The following SLC7A13 variants were observed in gnomAD, a reference collection of about 807,000 sequenced individuals.
SLC7A13 encodes X-amino acid transporter 2.
In SLC7A13, 31 loss-of-function variants were observed where a neutral mutation model predicts 32.0. The ratio of observed to expected loss-of-function variants is 0.97; its 90% confidence interval spans 0.73 to 1.31. The LOEUF is 1.31. Among genes scored for constraint, SLC7A13 ranks in the 50% most tolerant of loss-of-function variants. The pLI is 0.00. For synonymous variants in SLC7A13, 232 were observed against 206.9 expected (o/e 1.12, Z -1.04); for missense variants, 633 against 546.9 (o/e 1.16, Z -1.57).
intron 2 of SLC7A13, 30 bp downstream of exon 2, chr8:86,222,938 CTTTA>C: frequency 1.3e-6 from 2 of 1,551,180 alleles, no homozygotes; most frequent in Non-Finnish European, 1.7e-6. Flanking sequence ...AGGACCAGCA[CTTTA>C]TTTATTGCTT....
At position 86,229,709 on chromosome 8, in the gene SLC7A13, A is replaced by G; in HGVS notation, c.569T>C (p.Val190Ala). ...ATCAAAAGCATTCTGAAATCGTTCT[A>G]CATTCTCCTTTTTCCCTCTTATCAG... Reference protein sequence around the residue: ...VFLIRGKKENVERFQNAFDAE... With the variant: ...VFLIRGKKENAERFQNAFDAE... Residue 190 changes from valine (V) to alanine (A), a missense_variant, in exon 1 of 4, where the codon GTA (valine) becomes GCA (alanine). Transcript: ENST00000297524. The G allele has an allele frequency of 6.2e-7, 1 of 1,614,202 alleles. No individual in the cohort carries two copies. Among genetic ancestry groups the G allele is most frequent in the Non-Finnish European group, 8.5e-7 (1 of 1,180,024 alleles).
chr8:86,228,889 C>T (rs1035537497), intron 1 of SLC7A13, among the ~76,000 whole-genome samples: 1 of 151,884 alleles, frequency 6.6e-6, no homozygotes, highest in Non-Finnish European at 1.5e-5. Flanking sequence ...ACTATTTTGC[C>T]CAGGTGGTCT....
intron 2 of SLC7A13, 130 bp downstream of exon 2, chr8:86,222,842 T>C (rs1820322444): frequency 3.2e-6 from 3 of 931,514 alleles, no homozygotes; most frequent in Non-Finnish European, 4.4e-6. Flanking sequence ...CCCTCTGTTA[T>C]TTTAGAAAAT....
At chr8:86,223,835 A>G (rs1160421411) in intron 1 of SLC7A13, among the ~76,000 whole-genome samples, 2 of 151,880 alleles carry the variant, frequency 1.3e-5, no homozygotes, top group Non-Finnish European at 2.9e-5. Flanking sequence ...GGACTGCTAC[A>G]CACCCACCTG....
Position 86,214,657 on chromosome 8 carries a change from C to T in SLC7A13, c.1180-11G>A, listed in dbSNP as rs759190047. The T allele has an allele frequency of 6.3e-7, 1 of 1,582,024 alleles. No individual in the cohort carries two copies. The highest frequency in any genetic ancestry group is 1.7e-4 in the Middle Eastern group (1 of 5,904). On this transcript the variant is annotated splice_polypyrimidine_tract_variant and intron_variant, in intron 3 of 3. Coordinates refer to ENST00000297524, the MANE Select transcript of SLC7A13 (RefSeq NM_138817.3). ...AAATGACAAAAACACCTGAAAAGAG[C>T]AAAGTTTGAAAAAATATTGGATATG...
intron 1 of SLC7A13, 25 bp downstream of exon 1, chr8:86,229,568 A>AT (rs11413051): frequency 0.25 from 397,157 of 1,571,148 alleles, 58,739 homozygotes; most frequent in East Asian, 0.49. Flanking sequence ...ATGATTTTAG[A>AT]TTTTTTTCCT....
intron 3 of SLC7A13, chr8:86,215,735 A>G (rs1390626917): frequency 4.8e-6 from 2 of 413,656 alleles, no homozygotes; most frequent in Non-Finnish European, 9.5e-6. Flanking sequence ...TTAGCTTATA[A>G]AGCGTCCCAG....
At chr8:86,216,991 GT>G (rs1021296560) in intron 3 of SLC7A13, among the ~76,000 whole-genome samples, 27 of 152,142 alleles carry the variant, frequency 1.8e-4, no homozygotes, top group Admixed American at 7.9e-4. Flanking sequence ...CCTGTGAAAA[GT>G]TTTTTCATCC....
At position 86,218,577 on chromosome 8, in the gene SLC7A13, C is replaced by A. The variant is rs577492743; in HGVS notation, c.818-746G>T. Reference sequence around the variant, plus strand: ...ACATCCTATAATGTACAGGACAATTCTCTACAACAAAAAATTATATAGTAT... The same window carrying A: ...ACATCCTATAATGTACAGGACAATTATCTACAACAAAAAATTATATAGTAT... On this transcript the variant is annotated intron_variant, in intron 2 of 3. Transcript: ENST00000297524. 1.8e-4 allele frequency among the ~76,000 whole-genome samples: 27 copies of A among 151,626 alleles called. 1 individual carries two copies. The highest frequency in any genetic ancestry group is 8.3e-4 in the South Asian group (4 of 4,808).
At chr8:86,223,158 A>T (rs1234377390) in intron 1 of SLC7A13, 55 bp from the exon 2 acceptor site, 4 of 1,468,444 alleles carry the variant, frequency 2.7e-6, no homozygotes, top group Non-Finnish European at 3.6e-6. Context: ...TCTAAAATTC[A>T]TTATTTTTAG....
intron 3 of SLC7A13, chr8:86,215,759 A>G (rs1450918044): frequency 2.6e-6 from 1 of 389,946 alleles, no homozygotes; most frequent in African/African-American, 2.2e-5. Context: ...AAGATACTTT[A>G]TCATCTCATG....
intron 1 of SLC7A13, among the ~76,000 whole-genome samples, chr8:86,226,733 C>T (rs1820394033): frequency 6.6e-6 from 1 of 152,122 alleles, no homozygotes; most frequent in Non-Finnish European, 1.5e-5. Context: ...GTATCTAATA[C>T]CAAGACTCTC....
intron 1 of SLC7A13, among the ~76,000 whole-genome samples, chr8:86,224,144 C>G (rs1358628658): frequency 6.6e-6 from 1 of 152,150 alleles, no homozygotes; most frequent in African/African-American, 2.4e-5. Context: ...TGGTAAGTGT[C>G]TATATGAAAA....
In SLC7A13 at chr8:86,217,592, A is replaced by T. The variant is rs774939003; in HGVS notation, c.1057T>A (p.Leu353Ile). ...LVTLGSLAIILTSLIDLINYI... is the reference protein window; with the variant it reads ...LVTLGSLAIIITSLIDLINYI... The stretch of plus-strand genomic sequence containing the variant: ...TTTATCAAATCAATTAGACTTGTTA[A>T]GATAATTGCAAGGGATCCCAAAGTG... Residue 353 changes from leucine to isoleucine, a missense_variant, in exon 3 of 4, where the codon TTA (leucine) becomes ATA (isoleucine). Coordinates refer to ENST00000297524, the MANE Select transcript of SLC7A13 (RefSeq NM_138817.3). The T allele has an allele frequency of 1.2e-6, 2 of 1,613,444 alleles. No homozygotes were observed. Among genetic ancestry groups the T allele is most frequent in the Admixed American group, 3.3e-5 (2 of 59,942 alleles).
At chr8:86,218,102 T>C (rs1820224266) in intron 2 of SLC7A13, among the ~76,000 whole-genome samples, 1 of 152,156 alleles carries the variant, frequency 6.6e-6, no homozygotes, top group African/African-American at 2.4e-5. Flanking sequence ...GGATAATCCA[T>C]TTATTTTCTA....
At chr8:86,222,711 T>C (rs1305880048) in intron 2 of SLC7A13, among the ~76,000 whole-genome samples, 1 of 150,070 alleles carries the variant, frequency 6.7e-6, no homozygotes, top group Non-Finnish European at 1.5e-5. Flanking sequence ...AAAGGAATAC[T>C]AATATTTTGA....
chr8:86,228,846 C>CAA (rs756084961), intron 1 of SLC7A13, among the ~76,000 whole-genome samples: 2 of 138,466 alleles, frequency 1.4e-5, no homozygotes, highest in Admixed American at 1.5e-4. Context: ...AACTCTGTCT[C>CAA]AAAAAAAAAA....
intron 2 of SLC7A13, among the ~76,000 whole-genome samples, chr8:86,219,059 C>G (rs1387086669): frequency 6.6e-6 from 1 of 152,064 alleles, no homozygotes; most frequent in Non-Finnish European, 1.5e-5. Flanking sequence ...TTTAAATAGC[C>G]TCAACTGCCA....
Position 86,217,421 on chromosome 8 carries a change from C to T in SLC7A13, c.1179+49G>A, listed in dbSNP as rs762807275. On this transcript the variant is annotated intron_variant, in intron 3 of 3. Coordinates refer to ENST00000297524, the MANE Select transcript of SLC7A13 (RefSeq NM_138817.3). ...GATTATAATCTTAAATACAGTTATACTCAATATCTGTTATTTCACACAGAA... is the reference window on the plus strand; with the variant it reads ...GATTATAATCTTAAATACAGTTATATTCAATATCTGTTATTTCACACAGAA... The T allele has an allele frequency of 7.8e-6, 11 of 1,416,940 alleles. No individual in the cohort carries two copies. In the South Asian group the frequency reaches 8.9e-5, roughly 11 times the overall value. The allele number at this position is 1,416,940 out of a possible 1,614,324, so 87.8% of individuals were successfully genotyped here.
Sources: gnomAD v4.1 joint callset for allele counts (sites outside exome capture counted in the v4.1 genomes callset) on GRCh38, gnomAD v4.1.1 for gene constraint, MANE v1.5 for transcripts, NCBI Gene and HGNC (gene_info 2026-07-23, HGNC 2026-07-21) for gene names.